The following MATN2 variants were observed in gnomAD, a reference collection of about 807,000 sequenced individuals.
MATN2 encodes matrilin 2, also known as matrilin-2.
A neutral mutation model predicts 103.2 loss-of-function variants in MATN2; 69 were observed. The ratio of observed to expected loss-of-function variants is 0.67; its 90% CI spans 0.55 to 0.82. The LOEUF is 0.82. MATN2 is among the 40% of genes least tolerant of loss of function. MATN2 has a pLI of 0.00. For missense variants in MATN2, 1,023 were observed against 1,211.5 expected, an observed-to-expected ratio of 0.84 and a Z score of 2.31; for synonymous variants, 429 against 450.2, an observed-to-expected ratio of 0.95 and a Z score of 0.60.
At chr8:97,976,449 C>T (rs1019491698) in intron 5 of MATN2, among the ~76,000 whole-genome samples, 66 of 152,316 alleles carry the variant, frequency 4.3e-4, no homozygotes, top group African/African-American at 1.5e-3. Flanking sequence ...AAAGAATAAA[C>T]GTAACACAGG....
At chr8:97,947,322 T>C (rs1810784769) in intron 4 of MATN2, among the ~76,000 whole-genome samples, 4 of 152,114 alleles carry the variant, frequency 2.6e-5, no homozygotes, top group African/African-American at 9.7e-5. Context: ...TGAGCCAAGA[T>C]TGCACCACTG....
chr8:97,886,349 T>C (rs533325659), intron 1 of MATN2, among the ~76,000 whole-genome samples: 1 of 152,350 alleles, frequency 6.6e-6, no homozygotes, highest in South Asian at 2.1e-4. Flanking sequence ...CAGCTGGGTC[T>C]GTGGAAAAAT....
chr8:98,033,715 T>G (rs1361544427), intron 18 of MATN2, 56 bp downstream of exon 18: 1 of 1,121,470 alleles, frequency 8.9e-7, no homozygotes, highest in Admixed American at 2.0e-5. Context: ...TTATCAAAAC[T>G]TCACACACTC....
chr8:97,884,782 C>G (rs544242575), intron 1 of MATN2, among the ~76,000 whole-genome samples: 2 of 152,228 alleles, frequency 1.3e-5, no homozygotes, highest in Admixed American at 6.5e-5. Flanking sequence ...ATAACAACAA[C>G]AACAACAACA....
intron 7 of MATN2, among the ~76,000 whole-genome samples, chr8:98,003,141 G>A (rs1423668036): frequency 2.6e-5 from 4 of 151,666 alleles, no homozygotes; most frequent in Non-Finnish European, 5.9e-5. Context: ...GGGCATTTGT[G>A]TTCACCGTCC....
At chr8:97,979,570 G>A in intron 6 of MATN2, among the ~76,000 whole-genome samples, 1 of 152,196 alleles carries the variant, frequency 6.6e-6, no homozygotes, top group South Asian at 2.1e-4. Context: ...AACTAAAGAT[G>A]ATCATTAGTT....
At chr8:98,034,770 C>T (rs1814174511) in intron 18 of MATN2, among the ~76,000 whole-genome samples, 2 of 152,182 alleles carry the variant, frequency 1.3e-5, no homozygotes, top group Non-Finnish European at 2.9e-5. Flanking sequence ...TCGCCCTTTG[C>T]TTCTGACTTC....
intron 13 of MATN2, among the ~76,000 whole-genome samples, chr8:98,023,262 A>T (rs1251621044): frequency 1.3e-5 from 2 of 151,200 alleles, no homozygotes; most frequent in Non-Finnish European, 1.5e-5. Context: ...GTCTCAAAAA[A>T]ACAAATAAAC....
At chr8:98,023,788 C>T (rs1346098440) in intron 13 of MATN2, among the ~76,000 whole-genome samples, 1 of 151,404 alleles carries the variant, frequency 6.6e-6, no homozygotes, top group African/African-American at 2.4e-5. Flanking sequence ...TGGAATCAAC[C>T]CAAAATGCCC....
intron 13 of MATN2, among the ~76,000 whole-genome samples, chr8:98,024,254 C>T (rs911457831): frequency 2.0e-5 from 3 of 152,136 alleles, no homozygotes; most frequent in Non-Finnish European, 2.9e-5. Context: ...CCTTTAATCC[C>T]GGCACCTTGA....
At chr8:98,014,897 A>AT (rs764244502) in intron 10 of MATN2, among the ~76,000 whole-genome samples, 212 of 152,302 alleles carry the variant, frequency 1.4e-3, no homozygotes, top group Non-Finnish European at 1.8e-3. Context: ...AATAATTCCG[A>AT]TTCATGTCCA....
intron 16 of MATN2, 70 bp downstream of exon 16, chr8:98,032,387 C>T (rs2130458539): frequency 8.3e-7 from 1 of 1,201,594 alleles, no homozygotes; most frequent in East Asian, 2.5e-5. Context: ...CAGATAAAAG[C>T]TGTAAAGAAG....
At chr8:97,897,167 A>G (rs902493136) in intron 2 of MATN2, among the ~76,000 whole-genome samples, 1 of 152,240 alleles carries the variant, frequency 6.6e-6, no homozygotes, top group African/African-American at 2.4e-5. Context: ...CTGATTCAGT[A>G]GGTCTGGGTT....
chr8:97,900,432 C>T (rs972155166), intron 2 of MATN2, among the ~76,000 whole-genome samples: 18 of 152,138 alleles, frequency 1.2e-4, no homozygotes, highest in East Asian at 3.9e-4. Context: ...TGGGTCATTG[C>T]GCCATGAGAA....
At chr8:97,914,623 A>G (rs908970662) in intron 2 of MATN2, among the ~76,000 whole-genome samples, 8 of 150,270 alleles carry the variant, frequency 5.3e-5, no homozygotes, top group Non-Finnish European at 8.9e-5. Flanking sequence ...CAAAGTGCTG[A>G]GATTACATGT....
chr8:98,032,034 C>A, intron 15 of MATN2: 1 of 406,758 alleles, frequency 2.5e-6, no homozygotes, highest in South Asian at 5.8e-5. Flanking sequence ...TTAGGGGGTC[C>A]AAGCTTCTCT....
intron 6 of MATN2, among the ~76,000 whole-genome samples, chr8:97,992,675 G>A (rs984113164): frequency 2.0e-5 from 3 of 149,536 alleles, no homozygotes; most frequent in Non-Finnish European, 3.0e-5. Flanking sequence ...GAACCTGGGC[G>A]GCAGAGGTTG....
At chr8:98,009,222 A>G (rs1368075719) in intron 10 of MATN2, among the ~76,000 whole-genome samples, 2 of 152,216 alleles carry the variant, frequency 1.3e-5, no homozygotes, top group Admixed American at 6.5e-5. Flanking sequence ...GCATTGAGCT[A>G]TTCCCCTAAT....
At chr8:97,873,893 A>G (rs2129922065) in intron 1 of MATN2, among the ~76,000 whole-genome samples, 1 of 152,144 alleles carries the variant, frequency 6.6e-6, no homozygotes, top group South Asian at 2.1e-4. Context: ...CTCTCAAAGT[A>G]CTGAGATTAT....
Sources: allele counts gnomAD v4.1 joint callset (sites outside exome capture counted in the v4.1 genomes callset), GRCh38; gene constraint gnomAD v4.1.1; transcripts MANE v1.5; gene names NCBI Gene and HGNC (gene_info 2026-07-23, HGNC 2026-07-21).